The following RSPO2 variants were observed in gnomAD, a reference collection of about 807,000 sequenced individuals.
The protein encoded by RSPO2 is R-spondin-2.
Under a neutral mutation model 30.9 loss-of-function variants are expected in RSPO2, and 14 were observed. The observed-to-expected ratio is 0.45, with a 90% CI of 0.30 to 0.71. The LOEUF (loss-of-function observed/expected upper bound fraction) is 0.71. Ranked by LOEUF, RSPO2 falls within the 30% of genes least tolerant of loss-of-function variation. The pLI is 0.08. For missense variants in RSPO2, 264 were observed against 301.9 expected, an observed-to-expected ratio of 0.87 and a Z score of 0.93; for synonymous variants, 107 against 96.4, an observed-to-expected ratio of 1.11 and a Z score of -0.64.
intron 5 of RSPO2, among the ~76,000 whole-genome samples, chr8:107,901,533 A>ATCTT (rs1012506744): frequency 6.6e-6 from 1 of 152,184 alleles, no homozygotes; most frequent in Admixed American, 6.5e-5. Context: ...ACATCTTTAC[A>ATCTT]TCTTACTACT....
chr8:108,066,450 C>T (rs938542808), intron 2 of RSPO2, among the ~76,000 whole-genome samples: 1 of 149,514 alleles, frequency 6.7e-6, no homozygotes, highest in Non-Finnish European at 1.5e-5. Context: ...ACCAACAAGT[C>T]TTTTTTTTTT....
intron 5 of RSPO2, among the ~76,000 whole-genome samples, chr8:107,908,038 G>A (rs1383470149): frequency 6.6e-6 from 1 of 152,036 alleles, no homozygotes; most frequent in East Asian, 1.9e-4. Context: ...CAAATGAACT[G>A]TATTCAGAAA....
chr8:108,048,633 T>C (rs991856204), intron 2 of RSPO2, among the ~76,000 whole-genome samples: 1 of 152,188 alleles, frequency 6.6e-6, no homozygotes, highest in African/African-American at 2.4e-5. Flanking sequence ...CTGGATTCAC[T>C]GATTTTTTGA....
intron 5 of RSPO2, among the ~76,000 whole-genome samples, chr8:107,921,051 G>C (rs985876871): frequency 6.6e-6 from 1 of 152,004 alleles, no homozygotes; most frequent in African/African-American, 2.4e-5. Context: ...AAGGATGTTA[G>C]CACAGATAGT....
intron 2 of RSPO2, among the ~76,000 whole-genome samples, chr8:108,063,372 T>C (rs1364773919): frequency 6.6e-6 from 1 of 151,698 alleles, no homozygotes; most frequent in Non-Finnish European, 1.5e-5. Flanking sequence ...TCACAAGCAT[T>C]CTTATACACC....
At chr8:108,020,519 C>T (rs190251875) in intron 2 of RSPO2, among the ~76,000 whole-genome samples, 1 of 152,302 alleles carries the variant, frequency 6.6e-6, no homozygotes, top group East Asian at 1.9e-4. Flanking sequence ...GTCTCAAACT[C>T]GAGTTTGTTT....
chr8:108,022,885 A>G (rs1811096574), intron 2 of RSPO2, among the ~76,000 whole-genome samples: 1 of 150,418 alleles, frequency 6.6e-6, no homozygotes. Context: ...AGATTGCACC[A>G]TTGCACTCCA....
chr8:108,082,759 C>G lies in RSPO2; in HGVS notation c.-121G>C. 1.4e-6 allele frequency: 1 copy of G among 719,630 alleles called. No homozygotes were observed. Among genetic ancestry groups the G allele is most frequent in the Non-Finnish European group, 2.4e-6 (1 of 423,444 alleles). 44.6% of individuals were successfully genotyped at this position (719,630 alleles called of 1,614,324 possible). ...CAGAGGGAGACTCGCCACTCACCCCCGGGCCGCACCGGTCAGTTCAGCGCG... is the reference window on the plus strand; with the variant it reads ...CAGAGGGAGACTCGCCACTCACCCCGGGGCCGCACCGGTCAGTTCAGCGCG... On this transcript the variant is annotated 5_prime_UTR_variant, in exon 2 of 6. Coordinates refer to ENST00000276659, the MANE Select transcript of RSPO2 (RefSeq NM_178565.5).
chr8:107,910,376 T>C (rs1332606037), intron 5 of RSPO2, among the ~76,000 whole-genome samples: 1 of 152,156 alleles, frequency 6.6e-6, no homozygotes, highest in East Asian at 1.9e-4. Flanking sequence ...ATGGCAGCTA[T>C]ATAAGATAAT....
At chr8:107,954,311 A>G (rs570187295) in intron 5 of RSPO2, among the ~76,000 whole-genome samples, 1 of 152,310 alleles carries the variant, frequency 6.6e-6, no homozygotes, top group African/African-American at 2.4e-5. Context: ...TCATTTAAAT[A>G]TATGACAAAA....
intron 2 of RSPO2, among the ~76,000 whole-genome samples, chr8:108,034,915 A>C (rs1407655885): frequency 6.6e-6 from 1 of 152,236 alleles, no homozygotes; most frequent in African/African-American, 2.4e-5. Flanking sequence ...TCATGATTTG[A>C]GCAATATTAC....
At position 107,958,127 on chromosome 8, in the gene RSPO2, A is replaced by G. The variant is rs1813486802; in HGVS notation, c.569T>C (p.Ile190Thr). 1 of 1,613,702 alleles carries G rather than the reference A, an allele frequency of 6.2e-7. No homozygotes were observed. The highest frequency in any genetic ancestry group is 1.1e-5 in the South Asian group (1 of 91,064). The change falls in exon 5 of 6, where the codon ATT (isoleucine) becomes ACT (threonine). Residue 190 changes from isoleucine to threonine, a missense_variant. Ile to Thr is a moderately conservative substitution (Grantham distance 89, BLOSUM62 -1). Coordinates refer to ENST00000276659, the MANE Select transcript of RSPO2 (RefSeq NM_178565.5). ...CATCTTGCATCTCCTGGATTCAGCA[A>G]TGGTTGGACACAGTATTGTGTCTTT... ...PVKDTILCPTIAESRRCKMTM... is the reference protein window; with the variant it reads ...PVKDTILCPTTAESRRCKMTM...
intron 3 of RSPO2, chr8:107,983,137 C>T: frequency 4.7e-6 from 7 of 1,485,896 alleles, no homozygotes; most frequent in Non-Finnish European, 6.4e-6. Flanking sequence ...TGAAGGACCC[C>T]TCAACCTGGC....
At chr8:108,078,016 A>G (rs1813066379) in intron 2 of RSPO2, among the ~76,000 whole-genome samples, 1 of 152,220 alleles carries the variant, frequency 6.6e-6, no homozygotes, top group Admixed American at 6.5e-5. Context: ...GAAGGAAAGA[A>G]GTACCCTGGA....
At chr8:107,975,926 G>A (rs1222615767) in intron 3 of RSPO2, among the ~76,000 whole-genome samples, 2 of 152,216 alleles carry the variant, frequency 1.3e-5, no homozygotes, top group Non-Finnish European at 2.9e-5. Flanking sequence ...CTTCTAATAA[G>A]TGGATAGTAG....
At chr8:107,933,286 G>A (rs1385618182) in intron 5 of RSPO2, among the ~76,000 whole-genome samples, 1 of 152,104 alleles carries the variant, frequency 6.6e-6, no homozygotes, top group Non-Finnish European at 1.5e-5. Flanking sequence ...TGCACATGTT[G>A]AGCCTGCTAT....
chr8:107,993,369 ATT>A (rs959934460), intron 2 of RSPO2, among the ~76,000 whole-genome samples: 2 of 152,222 alleles, frequency 1.3e-5, no homozygotes, highest in African/African-American at 4.8e-5. Context: ...TATTCAAACT[ATT>A]TGAGTTTTAC....
intron 2 of RSPO2, among the ~76,000 whole-genome samples, chr8:108,030,144 G>A (rs200921047): frequency 1.3e-3 from 113 of 88,986 alleles, no homozygotes; most frequent in Admixed American, 0.01. Flanking sequence ...AAAAAAAAAA[G>A]CTAGGCATAT....
At chr8:107,945,529 T>C (rs1813034229) in intron 5 of RSPO2, among the ~76,000 whole-genome samples, 1 of 152,142 alleles carries the variant, frequency 6.6e-6, no homozygotes. Flanking sequence ...ATTACAGGCA[T>C]GAGCCACCGT....
Sources: allele counts gnomAD v4.1 joint callset (sites outside exome capture counted in the v4.1 genomes callset), GRCh38; gene constraint gnomAD v4.1.1; transcripts MANE v1.5; gene names NCBI Gene and HGNC (gene_info 2026-07-23, HGNC 2026-07-21).